The following GAS2 variants were observed in gnomAD, a reference collection of about 807,000 sequenced individuals.
GAS2 encodes the protein growth arrest-specific protein 2.
In GAS2, 20 loss-of-function variants were observed where a neutral mutation model predicts 37.5. The ratio of observed to expected loss-of-function variants is 0.53; its 90% CI spans 0.37 to 0.77. GAS2 has a LOEUF of 0.77. GAS2 is among the 30% of genes least tolerant of loss of function. GAS2 has a pLI of 0.00. For missense variants in GAS2, 336 were observed against 373.4 expected (o/e 0.90, Z 0.82); for synonymous variants, 144 against 132.2 (o/e 1.09, Z -0.61).
At chr11:22,658,490 AGC>A (rs931770262) in intron 1 of GAS2, among the ~76,000 whole-genome samples, 5 of 152,210 alleles carry the variant, frequency 3.3e-5, no homozygotes, top group Non-Finnish European at 7.3e-5. Context: ...AACAAAACAA[AGC>A]AAAACAACTT....
At chr11:22,670,742 A>G (rs1268405338) in intron 1 of GAS2, among the ~76,000 whole-genome samples, 2 of 152,132 alleles carry the variant, frequency 1.3e-5, no homozygotes, top group African/African-American at 2.4e-5. Context: ...AAAGAGGAAA[A>G]TTCATATGAC....
intron 1 of GAS2, chr11:22,626,086 C>G (rs1858648218): frequency 3.9e-6 from 2 of 516,752 alleles, no homozygotes; most frequent in Admixed American, 6.4e-5. Flanking sequence ...GAGATGATGC[C>G]AGTCATGAAC....
intron 3 of GAS2, among the ~76,000 whole-genome samples, chr11:22,715,479 A>AAAAAAAAAAAG (rs1554973679): frequency 4.1e-5 from 6 of 145,780 alleles, no homozygotes; most frequent in African/African-American, 1.5e-4. Flanking sequence ...AAAAAAAAAA[A>AAAAAAAAAAAG]AAAAGAAAAG....
At chr11:22,647,988 A>G (rs895768273) in intron 1 of GAS2, among the ~76,000 whole-genome samples, 1 of 152,158 alleles carries the variant, frequency 6.6e-6, no homozygotes, top group African/African-American at 2.4e-5. Context: ...TTAGACATGA[A>G]GTCCTTGCCC....
At position 22,785,907 on chromosome 11, in the gene GAS2, A is replaced by T. The variant is rs890020400; in HGVS notation, c.724-25891A>T. 5.3e-5 allele frequency among the ~76,000 whole-genome samples: 8 copies of T among 152,110 alleles called. No homozygotes were observed. In the East Asian group the frequency reaches 9.6e-4, roughly 18 times the overall value. ...GGCACATTCAGAAATTACCTTCATG[A>T]TGCTATGGACTGTGAGTAATATGTA... On this transcript the variant is annotated intron_variant, in intron 7 of 7. Coordinates refer to ENST00000454584, the MANE Select transcript of GAS2 (RefSeq NM_001143830.3).
chr11:22,733,711 A>G (rs1218100229), intron 4 of GAS2, among the ~76,000 whole-genome samples: 2 of 151,658 alleles, frequency 1.3e-5, no homozygotes, highest in East Asian at 1.9e-4. Context: ...CTCTTGCCAC[A>G]TATTTTTGAA....
At chr11:22,636,176 C>T (rs1858818824) in intron 1 of GAS2, among the ~76,000 whole-genome samples, 1 of 152,150 alleles carries the variant, frequency 6.6e-6, no homozygotes, top group Admixed American at 6.6e-5. Context: ...AAGTTCACAG[C>T]ATGAATCTCT....
At chr11:22,626,191 T>C (rs1321436330) in intron 1 of GAS2, 1 of 308,782 alleles carries the variant, frequency 3.2e-6, no homozygotes. Flanking sequence ...TTTTCAAAAT[T>C]AAGTAACGCC....
intron 5 of GAS2, among the ~76,000 whole-genome samples, chr11:22,748,152 T>G (rs567301521): frequency 2.0e-5 from 3 of 152,112 alleles, no homozygotes; most frequent in Non-Finnish European, 4.4e-5. Flanking sequence ...AATCTCCAAG[T>G]GACTTTTCCC....
At chr11:22,701,672 T>C (rs971125225) in intron 3 of GAS2, among the ~76,000 whole-genome samples, 22 of 152,038 alleles carry the variant, frequency 1.4e-4, no homozygotes, top group African/African-American at 5.3e-4. Context: ...CTACTAAAAA[T>C]ACAAAAATTA....
intron 1 of GAS2, among the ~76,000 whole-genome samples, chr11:22,640,824 A>T (rs943640350): frequency 8.5e-5 from 13 of 152,146 alleles, no homozygotes; most frequent in Non-Finnish European, 1.9e-4. Flanking sequence ...TGGTCTGAAA[A>T]AGTTTGTGAA....
At chr11:22,726,241 T>C (rs377272928) in intron 3 of GAS2, 51 bp from the exon 4 acceptor site, 14 of 1,547,274 alleles carry the variant, frequency 9.0e-6, no homozygotes, top group South Asian at 1.2e-5. Flanking sequence ...TAAAACATCA[T>C]TGTGCTAACT....
chr11:22,650,107 G>A lies in GAS2; in HGVS notation c.-21+24294G>A, dbSNP rs1366246901. Among the ~76,000 whole-genome samples, 6 of 151,752 alleles carry A rather than the reference G, an allele frequency of 4.0e-5. No homozygotes were observed. The South Asian group carries it at 1.3e-3, about 32-fold the overall frequency. On this transcript the variant is annotated intron_variant, in intron 1 of 5. Coordinates refer to the GAS2 transcript ENST00000528582. ...GCTTTGAATGGGTCCCAGAGATTCT[G>A]GTATGTTGTGTCTTTTTTCTCGTTG...
At chr11:22,668,879 T>C (rs1180339152) in intron 1 of GAS2, among the ~76,000 whole-genome samples, 3 of 152,164 alleles carry the variant, frequency 2.0e-5, no homozygotes, top group African/African-American at 7.2e-5. Flanking sequence ...GATATTAAGG[T>C]CCAAACAGGA....
At chr11:22,646,170 C>A (rs1242593259) in intron 1 of GAS2, among the ~76,000 whole-genome samples, 1 of 152,104 alleles carries the variant, frequency 6.6e-6, no homozygotes, top group Non-Finnish European at 1.5e-5. Context: ...GTCTTCTGCT[C>A]AACCAGGAGA....
intron 7 of GAS2, among the ~76,000 whole-genome samples, chr11:22,768,295 C>G (rs1447287754): frequency 6.6e-6 from 1 of 152,282 alleles, no homozygotes; most frequent in East Asian, 1.9e-4. Flanking sequence ...AAAATGACAA[C>G]AAAAGCCCTG....
rs1322605807 is a variant in GAS2, at chr11:22,812,683, C to T, written c.*667C>T. 3 of 152,594 alleles carry T rather than the reference C, an allele frequency of 2.0e-5. No individual in the cohort carries two copies. The highest frequency in any genetic ancestry group is 4.4e-5 in the Non-Finnish European group (3 of 68,094). 9.5% of individuals were successfully genotyped at this position (152,594 alleles called of 1,614,324 possible). On this transcript the variant is annotated 3_prime_UTR_variant, in exon 8 of 8. Coordinates refer to ENST00000454584, the MANE Select transcript of GAS2 (RefSeq NM_001143830.3). ...TAGCTTATGAGTTATTTCACACATT[C>T]CTGAGCACATGGCTGTGTTTAGAAT...
intron 3 of GAS2, among the ~76,000 whole-genome samples, chr11:22,718,638 C>G (rs1379621502): frequency 6.6e-6 from 1 of 151,768 alleles, no homozygotes. Context: ...AATGGAACAC[C>G]ACCTGTTTCC....
At chr11:22,781,560 A>G (rs746478269) in intron 7 of GAS2, among the ~76,000 whole-genome samples, 2 of 152,128 alleles carry the variant, frequency 1.3e-5, no homozygotes, top group African/African-American at 4.8e-5. Context: ...TTGCATGGTT[A>G]TGGTGCCTTT....
Sources: gnomAD v4.1 joint callset for allele counts (sites outside exome capture counted in the v4.1 genomes callset) on GRCh38, gnomAD v4.1.1 for gene constraint, MANE v1.5 for transcripts, NCBI Gene and HGNC (gene_info 2026-07-23, HGNC 2026-07-21) for gene names.